The following NRXN1 variants were observed in gnomAD, a reference collection of about 807,000 sequenced individuals.
NRXN1 encodes neurexin-1.
Under a neutral mutation model 150.9 loss-of-function variants are expected in NRXN1, and 39 were observed. The observed-to-expected ratio is 0.26, with a 90% CI of 0.20 to 0.34. The LOEUF (loss-of-function observed/expected upper bound fraction) is 0.34, where lower values mean the gene tolerates loss of function less well. Ranked by LOEUF, NRXN1 falls within the 10% of genes least tolerant of loss-of-function variation. The pLI, the probability that NRXN1 is intolerant of heterozygous loss-of-function variation, is 1.00. For synonymous variants in NRXN1, 924 were observed against 757.0 expected (o/e 1.22, Z -3.62); for missense variants, 1,815 against 1,949.9 (o/e 0.93, Z 1.30).
In NRXN1 at chr2:50,700,173, G is replaced by C. The variant is rs563407189; in HGVS notation, c.833-76558C>G. Among the ~76,000 whole-genome samples the C allele has an allele frequency of 5.3e-5, 8 of 152,282 alleles. No homozygotes were observed. In the South Asian group the frequency reaches 1.2e-3, roughly 24 times the overall value. Reference sequence around the variant, plus strand: ...ATTTTTGAGCAGTTAATTTAAAAGTGAATCCAAATGGATATCCAAATCTAA... The same window carrying C: ...ATTTTTGAGCAGTTAATTTAAAAGTCAATCCAAATGGATATCCAAATCTAA... On this transcript the variant is annotated intron_variant, in intron 5 of 22. Transcript: ENST00000401669.
At position 50,546,411 on chromosome 2, in the gene NRXN1, A is replaced by G. The variant is rs927194597; in HGVS notation, c.1759+6176T>C. Among the ~76,000 whole-genome samples, 11 of 152,296 alleles carry G rather than the reference A, an allele frequency of 7.2e-5. No individual in the cohort carries two copies. The East Asian group carries it at 1.9e-3, about 27-fold the overall frequency. On this transcript the variant is annotated intron_variant, in intron 9 of 22. Coordinates refer to ENST00000401669, the MANE Select transcript of NRXN1 (RefSeq NM_001330078.2). ...ACAAGCCCAGGGGCCTAGCTCAGGT[A>G]CTTCTGAAAAGCTCTGCTCTGAATC... is the stretch of plus-strand genomic sequence containing the variant.
chr2:50,728,510 T>C (rs917233684), intron 5 of NRXN1, among the ~76,000 whole-genome samples: 1 of 152,190 alleles, frequency 6.6e-6, no homozygotes, highest in South Asian at 2.1e-4. Context: ...TTCCCTTCCA[T>C]CTTTTCTTGA....
intron 8 of NRXN1, among the ~76,000 whole-genome samples, chr2:50,593,671 G>T (rs920832869): frequency 2.6e-5 from 4 of 152,154 alleles, no homozygotes; most frequent in Non-Finnish European, 5.9e-5. Flanking sequence ...TGCTTGCAAA[G>T]GGGAAGGTGA....
chr2:50,067,967 T>C (rs889935660), intron 19 of NRXN1, among the ~76,000 whole-genome samples: 17 of 152,236 alleles, frequency 1.1e-4, no homozygotes, highest in African/African-American at 4.1e-4. Flanking sequence ...GTCTTGACTT[T>C]TAATCTAGTC....
intron 2 of NRXN1, among the ~76,000 whole-genome samples, chr2:50,986,679 C>CT (rs1697766604): frequency 1.3e-5 from 2 of 151,312 alleles, no homozygotes; most frequent in African/African-American, 2.4e-5. Context: ...ATATCTAGGT[C>CT]TTTTTTAAAC....
At chr2:50,833,140 C>T (rs1412620176) in intron 5 of NRXN1, among the ~76,000 whole-genome samples, 1 of 152,122 alleles carries the variant, frequency 6.6e-6, no homozygotes, top group Non-Finnish European at 1.5e-5. Flanking sequence ...ATGTTCTATA[C>T]ATATATTACA....
At chr2:50,144,250 T>G (rs1272536624) in intron 18 of NRXN1, among the ~76,000 whole-genome samples, 1 of 151,898 alleles carries the variant, frequency 6.6e-6, no homozygotes, top group Admixed American at 6.6e-5. Flanking sequence ...ATTCAACTGG[T>G]AAGCTTCCTT....
intron 12 of NRXN1, among the ~76,000 whole-genome samples, chr2:50,523,526 G>T (rs2092855961): frequency 6.6e-6 from 1 of 152,198 alleles, no homozygotes. Flanking sequence ...TCAAATGGCA[G>T]CCTGATCAAA....
intron 17 of NRXN1, among the ~76,000 whole-genome samples, chr2:50,278,027 A>G (rs1330380040): frequency 6.8e-6 from 1 of 147,614 alleles, no homozygotes; most frequent in Non-Finnish European, 1.5e-5. Context: ...AAAGACATTG[A>G]CCATAGATAG....
At chr2:50,126,155 C>T (rs957556817) in intron 18 of NRXN1, among the ~76,000 whole-genome samples, 16 of 152,184 alleles carry the variant, frequency 1.1e-4, no homozygotes, top group Middle Eastern at 3.4e-3. Context: ...ACACCCTTTT[C>T]GGCATACAAT....
intron 5 of NRXN1, among the ~76,000 whole-genome samples, chr2:50,904,979 T>C (rs2103999073): frequency 6.6e-6 from 1 of 152,220 alleles, no homozygotes; most frequent in Admixed American, 6.5e-5. Context: ...TCCAATGTCT[T>C]CATTCATTCA....
intron 5 of NRXN1, among the ~76,000 whole-genome samples, chr2:50,803,429 T>C (rs928370326): frequency 1.3e-5 from 2 of 152,218 alleles, no homozygotes; most frequent in Non-Finnish European, 1.5e-5. Flanking sequence ...AGTTCACAGA[T>C]ACTACTCTCA....
intron 19 of NRXN1, among the ~76,000 whole-genome samples, chr2:50,062,957 C>T (rs1412814031): frequency 6.6e-6 from 1 of 152,142 alleles, no homozygotes; most frequent in East Asian, 1.9e-4. Flanking sequence ...CTTCTTATTT[C>T]TTGAGTTTTT....
At chr2:50,342,546 T>C (rs2077623992) in intron 17 of NRXN1, among the ~76,000 whole-genome samples, 1 of 152,220 alleles carries the variant, frequency 6.6e-6, no homozygotes. Context: ...GGGATTACTC[T>C]ATGAAACATT....
intron 17 of NRXN1, among the ~76,000 whole-genome samples, chr2:50,407,494 C>T (rs900747546): frequency 1.3e-5 from 2 of 152,072 alleles, no homozygotes; most frequent in African/African-American, 4.8e-5. Context: ...GAATATGTGT[C>T]CCCTCCAAAA....
At chr2:50,065,795 C>T (rs1695270396) in intron 19 of NRXN1, among the ~76,000 whole-genome samples, 1 of 152,138 alleles carries the variant, frequency 6.6e-6, no homozygotes, top group Non-Finnish European at 1.5e-5. Context: ...CCACTAACTT[C>T]AGTGCTTTTT....
At chr2:50,494,523 T>C (rs1373860687) in intron 15 of NRXN1, among the ~76,000 whole-genome samples, 1 of 152,176 alleles carries the variant, frequency 6.6e-6, no homozygotes, top group Admixed American at 6.5e-5. Flanking sequence ...TTCATTTTAT[T>C]TTTTGAGCCA....
At chr2:50,914,212 T>A (rs1029200218) in intron 5 of NRXN1, among the ~76,000 whole-genome samples, 6 of 151,630 alleles carry the variant, frequency 4.0e-5, no homozygotes, top group Non-Finnish European at 8.9e-5. Flanking sequence ...CAATAATGTA[T>A]CTGTGTGCTG....
intron 5 of NRXN1, chr2:50,918,028 G>C (rs984224021): frequency 6.6e-6 from 1 of 151,632 alleles, no homozygotes; most frequent in Admixed American, 6.6e-5. Flanking sequence ...AGGTGGAAGA[G>C]TTGTATCCAG....
Sources: gnomAD v4.1 joint callset for allele counts (sites outside exome capture counted in the v4.1 genomes callset) on GRCh38, gnomAD v4.1.1 for gene constraint, MANE v1.5 for transcripts, NCBI Gene and HGNC (gene_info 2026-07-23, HGNC 2026-07-21) for gene names.